The following ASTN2 variants were observed in gnomAD, a reference collection of about 807,000 sequenced individuals.
ASTN2 encodes astrotactin-2.
A neutral mutation model predicts 139.8 loss-of-function variants in ASTN2; 54 were observed. That is an observed-to-expected ratio of 0.39 (90% CI 0.31 to 0.48). The LOEUF is 0.48. Among genes scored for constraint, ASTN2 ranks in the 20% least tolerant of loss-of-function variants. The probability of loss-of-function intolerance (pLI) is 0.95; values close to 1 mark genes in which losing one functional copy is unlikely to be tolerated. For synonymous variants in ASTN2, 756 were observed against 719.5 expected, an observed-to-expected ratio of 1.05 and a Z score of -0.81; for missense variants, 1,565 against 1,725.1, an observed-to-expected ratio of 0.91 and a Z score of 1.64.
intron 1 of ASTN2, among the ~76,000 whole-genome samples, chr9:117,322,061 T>C (rs562367849): frequency 2.6e-5 from 4 of 152,270 alleles, no homozygotes; most frequent in South Asian, 4.1e-4. Context: ...CTGTTTGGAA[T>C]CTTCTCCCTC....
chr9:117,095,342 G>A lies in ASTN2; in HGVS notation c.1276+702C>T, dbSNP rs186199613. Among the ~76,000 whole-genome samples, 335 of 152,300 alleles carry A rather than the reference G, an allele frequency of 2.2e-3. 3 individuals carry two copies. In the Middle Eastern group the frequency reaches 0.075, roughly 34 times the overall value. ...TTTCAGAGCACGTTGAATCATCAGG[G>A]AACGATGGATCTTGGCCACAGGTTT... On this transcript the variant is annotated intron_variant, in intron 5 of 22. Coordinates refer to ENST00000313400, the MANE Select transcript of ASTN2 (RefSeq NM_001365068.1).
intron 7 of ASTN2, among the ~76,000 whole-genome samples, chr9:117,003,227 C>A (rs140511759): frequency 1.6e-4 from 24 of 152,230 alleles, no homozygotes; most frequent in South Asian, 8.3e-4. Flanking sequence ...GTGCAGAACA[C>A]GGGTGGACTA....
At chr9:117,362,254 G>T (rs554730055) in intron 1 of ASTN2, among the ~76,000 whole-genome samples, 1 of 152,148 alleles carries the variant, frequency 6.6e-6, no homozygotes, top group East Asian at 1.9e-4. Context: ...GATTACGAGC[G>T]TGAGCCACTG....
intron 19 of ASTN2, among the ~76,000 whole-genome samples, chr9:116,532,246 A>C (rs1851387808): frequency 1.3e-5 from 2 of 152,146 alleles, no homozygotes; most frequent in Admixed American, 1.3e-4. Flanking sequence ...AGTTCTTTGT[A>C]GATTCTGGAT....
intron 19 of ASTN2, among the ~76,000 whole-genome samples, chr9:116,592,399 A>C (rs989752348): frequency 6.6e-6 from 1 of 152,120 alleles, no homozygotes; most frequent in Non-Finnish European, 1.5e-5. Context: ...ACTTTTAAAC[A>C]GCCAGATCTC....
chr9:117,288,069 C>CT (rs1834493781), intron 2 of ASTN2, among the ~76,000 whole-genome samples: 1 of 152,170 alleles, frequency 6.6e-6, no homozygotes, highest in Admixed American at 6.5e-5. Context: ...CATCGCTCTG[C>CT]TTTTTTTCTC....
chr9:116,640,833 G>C (rs1359576806), intron 17 of ASTN2, among the ~76,000 whole-genome samples: 1 of 152,196 alleles, frequency 6.6e-6, no homozygotes, highest in African/African-American at 2.4e-5. Flanking sequence ...AAAGAGGCAG[G>C]GGTTGTTATT....
chr9:116,563,649 C>T (rs1853038559), intron 19 of ASTN2, among the ~76,000 whole-genome samples: 1 of 152,174 alleles, frequency 6.6e-6, no homozygotes, highest in Non-Finnish European at 1.5e-5. Context: ...CCCTTTCCCT[C>T]ATCTAGCATA....
intron 7 of ASTN2, among the ~76,000 whole-genome samples, chr9:116,993,103 A>G (rs762033314): frequency 2.6e-5 from 4 of 152,166 alleles, no homozygotes; most frequent in Non-Finnish European, 5.9e-5. Context: ...AGACTTCTCC[A>G]GTGGTTCCCC....
intron 1 of ASTN2, among the ~76,000 whole-genome samples, chr9:117,393,802 GC>G (rs1183072637): frequency 6.6e-6 from 1 of 152,020 alleles, no homozygotes; most frequent in Non-Finnish European, 1.5e-5. Flanking sequence ...ACTCTGGGGT[GC>G]AGTGGGGAGA....
intron 13 of ASTN2, among the ~76,000 whole-genome samples, chr9:116,774,901 CA>C (rs1830041194): frequency 6.6e-6 from 1 of 152,186 alleles, no homozygotes. Context: ...CACACATGGG[CA>C]CATGCTCATG....
intron 16 of ASTN2, among the ~76,000 whole-genome samples, chr9:116,691,370 C>T (rs1053152202): frequency 1.7e-4 from 26 of 152,114 alleles, no homozygotes; most frequent in African/African-American, 6.3e-4. Flanking sequence ...GTCATACTGG[C>T]AGCGTAGGTA....
chr9:116,686,797 T>G (rs1401041229), intron 16 of ASTN2: 3 of 1,550,622 alleles, frequency 1.9e-6, no homozygotes, highest in Non-Finnish European at 8.7e-7. Flanking sequence ...TACAGAGCAA[T>G]GTGTTCATGG....
At chr9:117,302,606 C>T (rs1339871582) in intron 1 of ASTN2, among the ~76,000 whole-genome samples, 1 of 152,098 alleles carries the variant, frequency 6.6e-6, no homozygotes, top group Non-Finnish European at 1.5e-5. Context: ...TCAACCCCAA[C>T]CCCCACACCC....
chr9:116,840,509 AC>A (rs748543769), intron 11 of ASTN2, among the ~76,000 whole-genome samples: 47 of 32,074 alleles, frequency 1.5e-3, no homozygotes, highest in Middle Eastern at 0.015. Flanking sequence ...CGGGGGGCTG[AC>A]CCCCCCCACC....
chr9:116,491,614 T>G (rs1849520273), intron 19 of ASTN2, among the ~76,000 whole-genome samples: 1 of 152,180 alleles, frequency 6.6e-6, no homozygotes, highest in African/African-American at 2.4e-5. Flanking sequence ...GTAAGATAGC[T>G]TTTTTTGGCA....
At chr9:116,615,023 A>G (rs1855766345) in intron 19 of ASTN2, among the ~76,000 whole-genome samples, 1 of 152,238 alleles carries the variant, frequency 6.6e-6, no homozygotes, top group Non-Finnish European at 1.5e-5. Flanking sequence ...AAACAAATTT[A>G]GAAGAAAAAA....
intron 14 of ASTN2, among the ~76,000 whole-genome samples, chr9:116,729,410 C>T (rs1828719166): frequency 6.6e-6 from 1 of 152,198 alleles, no homozygotes; most frequent in South Asian, 2.1e-4. Flanking sequence ...CATCCCAGTG[C>T]TTCAGTTTCC....
chr9:117,338,309 C>G (rs1050719702), intron 1 of ASTN2, among the ~76,000 whole-genome samples: 1 of 151,958 alleles, frequency 6.6e-6, no homozygotes. Flanking sequence ...CCTTTTAATC[C>G]CCCAAATAAA....
Sources: allele counts gnomAD v4.1 joint callset (sites outside exome capture counted in the v4.1 genomes callset), GRCh38; gene constraint gnomAD v4.1.1; transcripts MANE v1.5; gene names NCBI Gene and HGNC (gene_info 2026-07-23, HGNC 2026-07-21).